The following ADK variants were observed in gnomAD, a reference collection of about 807,000 sequenced individuals.
ADK encodes adenosine kinase.
In ADK, 24 loss-of-function variants were observed where a neutral mutation model predicts 44.7. That is an observed-to-expected ratio of 0.54 (90% confidence interval 0.39 to 0.76). The LOEUF (loss-of-function observed/expected upper bound fraction) is 0.76, where lower values mean the gene tolerates loss of function less well. Ranked by LOEUF, ADK falls within the 30% of genes least tolerant of loss-of-function variation. The probability of loss-of-function intolerance (pLI) is 0.00; values close to 1 mark genes in which losing one functional copy is unlikely to be tolerated. For synonymous variants in ADK, 128 were observed against 142.6 expected (o/e 0.90, Z 0.73); for missense variants, 321 against 425.1 (o/e 0.76, Z 2.15).
At chr10:74,168,805 G>T (rs1842095568) in intron 1 of ADK, among the ~76,000 whole-genome samples, 1 of 151,864 alleles carries the variant, frequency 6.6e-6, no homozygotes. Flanking sequence ...TAGTGATGGG[G>T]TTTCTCCACG....
intron 3 of ADK, among the ~76,000 whole-genome samples, chr10:74,290,307 A>G (rs1847361789): frequency 6.6e-6 from 1 of 152,048 alleles, no homozygotes; most frequent in Non-Finnish European, 1.5e-5. Context: ...CTTATTGCTC[A>G]TTTGGAAAAA....
chr10:74,344,139 T>G (rs1334437748), intron 4 of ADK, among the ~76,000 whole-genome samples: 1 of 152,194 alleles, frequency 6.6e-6, no homozygotes, highest in East Asian at 1.9e-4. Context: ...TCTGTAGTTT[T>G]ATTTTCTTGT....
At chr10:74,601,681 T>C (rs1471907676) in intron 9 of ADK, among the ~76,000 whole-genome samples, 1 of 151,976 alleles carries the variant, frequency 6.6e-6, no homozygotes, top group Non-Finnish European at 1.5e-5. Flanking sequence ...ATTAAAACTT[T>C]AAAAAAAGAA....
chr10:74,486,519 T>C (rs1847272692), intron 6 of ADK, among the ~76,000 whole-genome samples: 1 of 152,156 alleles, frequency 6.6e-6, no homozygotes, highest in Non-Finnish European at 1.5e-5. Flanking sequence ...AGTTTTCCAT[T>C]TTGATTGTTC....
At chr10:74,638,514 A>G (rs1365539908) in intron 9 of ADK, among the ~76,000 whole-genome samples, 1 of 152,156 alleles carries the variant, frequency 6.6e-6, no homozygotes, top group Non-Finnish European at 1.5e-5. Flanking sequence ...GAAATTAGCC[A>G]GGCATGGTGG....
At chr10:74,152,985 CT>C (rs1564563262) in intron 1 of ADK, among the ~76,000 whole-genome samples, 1 of 152,120 alleles carries the variant, frequency 6.6e-6, no homozygotes, top group Non-Finnish European at 1.5e-5. Context: ...GCTATTATTA[CT>C]TTTATTATAT....
At chr10:74,208,182 G>C (rs762238051) in intron 2 of ADK, among the ~76,000 whole-genome samples, 1 of 152,346 alleles carries the variant, frequency 6.6e-6, no homozygotes, top group East Asian at 1.9e-4. Flanking sequence ...GGGACTTCCC[G>C]GGCCCCAGAG....
intron 6 of ADK, among the ~76,000 whole-genome samples, chr10:74,455,652 G>A (rs1476017323): frequency 6.6e-6 from 1 of 152,140 alleles, no homozygotes; most frequent in Non-Finnish European, 1.5e-5. Context: ...TGGGACTACA[G>A]GTGTGCGCCA....
Position 74,349,715 on chromosome 10 carries a change from G to A in ADK, c.273+34970G>A, listed in dbSNP as rs531778304. Among the ~76,000 whole-genome samples, 45 of 152,112 alleles carry A rather than the reference G, an allele frequency of 3.0e-4. 1 individual carries two copies. The highest frequency in any genetic ancestry group is 3.4e-3 in the Middle Eastern group (1 of 294). On this transcript the variant is annotated intron_variant, in intron 4 of 10. Coordinates refer to ENST00000539909, the MANE Select transcript of ADK (RefSeq NM_006721.4). The stretch of plus-strand genomic sequence containing the variant: ...CATAGGCTCAAAATAAAGGGATGGA[G>A]GAATGTTTACCAAGCAAATGGAAAG...
intron 3 of ADK, among the ~76,000 whole-genome samples, chr10:74,278,978 T>C (rs1846809852): frequency 6.6e-6 from 1 of 152,150 alleles, no homozygotes; most frequent in Non-Finnish European, 1.5e-5. Flanking sequence ...TGTTCTTGGC[T>C]TCATAAAAAA....
intron 1 of ADK, among the ~76,000 whole-genome samples, chr10:74,192,040 C>T (rs1158665425): frequency 4.6e-5 from 7 of 152,232 alleles, no homozygotes; most frequent in South Asian, 2.1e-4. Context: ...GTAGGTAACC[C>T]GTAGATACGG....
In ADK at chr10:74,151,259, A is replaced by G. The variant is rs375014599; in HGVS notation, c.-20A>G. 3.4e-5 allele frequency: 52 copies of G among 1,549,466 alleles called. No homozygotes were observed. The African/African-American group carries it at 7.1e-4, about 21-fold the overall frequency. ...TGGCAGAGGTGGGCTGTAGAGCCAA[A>G]GTGGGGTGGGAGCGCGAAGATGGCA... On this transcript the variant is annotated 5_prime_UTR_variant, in exon 1 of 11. Coordinates refer to ENST00000539909, the MANE Select transcript of ADK (RefSeq NM_006721.4).
intron 7 of ADK, among the ~76,000 whole-genome samples, chr10:74,556,875 T>TA (rs1274103552): frequency 3.9e-5 from 6 of 152,170 alleles, no homozygotes; most frequent in South Asian, 4.1e-4. Context: ...ATTTATGCCT[T>TA]ACTATCACAT....
At chr10:74,645,161 C>T (rs148394465) in intron 9 of ADK, among the ~76,000 whole-genome samples, 14 of 152,336 alleles carry the variant, frequency 9.2e-5, no homozygotes, top group African/African-American at 2.2e-4. Flanking sequence ...TCCCCTACCC[C>T]CTGCCCCAAG....
rs754376345 is a variant in ADK at position 74,500,135 on chromosome 10, T to C, written c.556-25121T>C. Reference sequence around the variant, plus strand: ...AAGCCAAGTAGTAGCAGAACTGTTGTGTCAGGCCAGTGCCATAGTGGCCGG... The same window carrying C: ...AAGCCAAGTAGTAGCAGAACTGTTGCGTCAGGCCAGTGCCATAGTGGCCGG... On this transcript the variant is annotated intron_variant, in intron 6 of 10. Coordinates refer to ENST00000539909, the MANE Select transcript of ADK (RefSeq NM_006721.4). 4.6e-5 allele frequency among the ~76,000 whole-genome samples: 7 copies of C among 152,232 alleles called. No homozygotes were observed. The South Asian group carries it at 6.2e-4, about 14-fold the overall frequency.
chr10:74,618,309 G>T (rs1453235987), intron 9 of ADK, among the ~76,000 whole-genome samples: 2 of 150,438 alleles, frequency 1.3e-5, no homozygotes, highest in East Asian at 3.9e-4. Flanking sequence ...TTCTCATTTA[G>T]CTTCTCGGTC....
chr10:74,617,790 C>T (rs1003411194), intron 9 of ADK, among the ~76,000 whole-genome samples: 2 of 152,040 alleles, frequency 1.3e-5, no homozygotes, highest in Admixed American at 1.3e-4. Context: ...CGAGGTCTCA[C>T]TGTCTTGCCC....
intron 1 of ADK, among the ~76,000 whole-genome samples, chr10:74,154,209 A>G (rs1179912917): frequency 3.3e-5 from 5 of 151,560 alleles, no homozygotes; most frequent in African/African-American, 1.2e-4. Flanking sequence ...TGTATTAGAC[A>G]CTCTCACATG....
At chr10:74,511,146 C>T (rs945320265) in intron 6 of ADK, among the ~76,000 whole-genome samples, 1 of 152,166 alleles carries the variant, frequency 6.6e-6, no homozygotes, top group African/African-American at 2.4e-5. Flanking sequence ...ATTCTTGGCA[C>T]TTTTGTCAAA....
Sources: allele counts gnomAD v4.1 joint callset (sites outside exome capture counted in the v4.1 genomes callset), GRCh38; gene constraint gnomAD v4.1.1; transcripts MANE v1.5; gene names NCBI Gene and HGNC (gene_info 2026-07-23, HGNC 2026-07-21).